Variants in ANO3 observed in about 807,000 individuals in gnomAD.
The protein encoded by ANO3 is anoctamin 3, also known as anoctamin-3.
In ANO3, 99 loss-of-function variants were observed where a neutral mutation model predicts 144.8. That is an observed-to-expected ratio of 0.68 (90% CI 0.58 to 0.81). ANO3 has a LOEUF of 0.81. Ranked by LOEUF, ANO3 falls within the 30% of genes least tolerant of loss-of-function variation. The pLI is 0.00. For missense variants in ANO3, 905 were observed against 1,202.2 expected, an observed-to-expected ratio of 0.75 and a Z score of 3.66; for synonymous variants, 414 against 392.6, an observed-to-expected ratio of 1.05 and a Z score of -0.64.
intron 1 of ANO3, among the ~76,000 whole-genome samples, chr11:26,202,303 T>TTA (rs545232755): frequency 4.2e-5 from 6 of 144,518 alleles, no homozygotes; most frequent in Admixed American, 7.1e-5. Context: ...TAGATACATA[T>TTA]TATATATATC....
intron 1 of ANO3, among the ~76,000 whole-genome samples, chr11:26,202,109 A>T (rs763782649): frequency 1.4e-4 from 21 of 151,062 alleles, no homozygotes; most frequent in Non-Finnish European, 2.4e-4. Context: ...TTAATTAGTT[A>T]GGTTTAGGGT....
At chr11:26,210,921 C>A (rs1265801946) in intron 1 of ANO3, among the ~76,000 whole-genome samples, 1 of 151,960 alleles carries the variant, frequency 6.6e-6, no homozygotes, top group Non-Finnish European at 1.5e-5. Flanking sequence ...GTCTTTAACA[C>A]CCCACTGTCA....
intron 1 of ANO3, among the ~76,000 whole-genome samples, chr11:26,223,165 G>A (rs66873040): frequency 0.3 from 45,982 of 151,676 alleles, 7,703 homozygotes; most frequent in Non-Finnish European, 0.37. Flanking sequence ...ATCATAGGTC[G>A]TTAGAAGCAG....
intron 14 of ANO3, among the ~76,000 whole-genome samples, chr11:26,593,790 C>A (rs183142142): frequency 6.6e-6 from 1 of 152,226 alleles, no homozygotes; most frequent in East Asian, 1.9e-4. Flanking sequence ...ATTTGCCCAG[C>A]CTTTCCCTGT....
chr11:26,583,515 T>C (rs924049193), intron 14 of ANO3, among the ~76,000 whole-genome samples: 3 of 152,240 alleles, frequency 2.0e-5, no homozygotes, highest in Non-Finnish European at 2.9e-5. Context: ...AATCTGCCGC[T>C]GCACACATAT....
intron 21 of ANO3, 21 bp from the exon 22 acceptor site, chr11:26,641,875 T>C (rs1193754372): frequency 6.2e-7 from 1 of 1,611,110 alleles, no homozygotes; most frequent in East Asian, 2.2e-5. Flanking sequence ...TCAAAAGTCC[T>C]TGGTCTGCTC....
chr11:26,347,270 C>G (rs931312629), intron 1 of ANO3, among the ~76,000 whole-genome samples: 1 of 152,178 alleles, frequency 6.6e-6, no homozygotes, highest in Non-Finnish European at 1.5e-5. Context: ...TTCCTAGGAC[C>G]AGTGAAGTGC....
At chr11:26,487,111 G>A (rs1225889258) in intron 4 of ANO3, among the ~76,000 whole-genome samples, 2 of 152,140 alleles carry the variant, frequency 1.3e-5, no homozygotes, top group Admixed American at 1.3e-4. Flanking sequence ...ATTTGATATG[G>A]TTTGGCTGTG....
chr11:26,543,349 C>T (rs1046758787), intron 11 of ANO3, among the ~76,000 whole-genome samples: 1 of 151,958 alleles, frequency 6.6e-6, no homozygotes, highest in Non-Finnish European at 1.5e-5. Context: ...GGGAACAAAG[C>T]TTATAGAGTC....
chr11:26,358,810 T>G (rs1590289686), intron 1 of ANO3, among the ~76,000 whole-genome samples: 1 of 152,148 alleles, frequency 6.6e-6, no homozygotes. Flanking sequence ...TGGATTGTTT[T>G]TCTTGCTATA....
At chr11:26,255,434 A>G (rs1201144374) in intron 1 of ANO3, among the ~76,000 whole-genome samples, 2 of 152,168 alleles carry the variant, frequency 1.3e-5, no homozygotes, top group Non-Finnish European at 2.9e-5. Context: ...TGTATGGAAC[A>G]TTGATGGCAG....
intron 4 of ANO3, 52 bp from the exon 5 acceptor site, chr11:26,508,052 A>C: frequency 6.6e-7 from 1 of 1,512,924 alleles, no homozygotes; most frequent in Non-Finnish European, 8.8e-7. Flanking sequence ...TGTAACTAAA[A>C]CATACATGCT....
intron 1 of ANO3, among the ~76,000 whole-genome samples, chr11:26,257,506 A>C (rs1052709005): frequency 1.5e-4 from 23 of 152,092 alleles, no homozygotes; most frequent in Non-Finnish European, 1.3e-4. Flanking sequence ...TATAGTTTCT[A>C]CTCAGTAAAA....
intron 13 of ANO3, chr11:26,559,141 A>T (rs1346145424): frequency 6.6e-6 from 1 of 152,250 alleles, no homozygotes. Context: ...ATATCTGATT[A>T]AAAAACACTT....
chr11:26,249,540 T>G (rs1852877992), intron 1 of ANO3, among the ~76,000 whole-genome samples: 1 of 152,020 alleles, frequency 6.6e-6, no homozygotes, highest in African/African-American at 2.4e-5. Context: ...CTGGCCCTGG[T>G]GGTTGTGCTA....
At chr11:26,537,270 G>A in intron 9 of ANO3, 136 bp from the exon 10 acceptor site, 1 of 688,234 alleles carries the variant, frequency 1.5e-6, no homozygotes, top group East Asian at 2.6e-5. Context: ...GTCCTCATAG[G>A]TGATGTGGCT....
chr11:26,366,822 GTTGT>G (rs772509675), intron 1 of ANO3, among the ~76,000 whole-genome samples: 1 of 138,688 alleles, frequency 7.2e-6, no homozygotes, highest in Non-Finnish European at 1.5e-5. Context: ...TTTTGATGGG[GTTGT>G]TTGTTTTTTT....
At chr11:26,304,705 A>G (rs1405709586), upstream of ANO3, among the ~76,000 whole-genome samples, 13 of 152,178 alleles carry the variant, frequency 8.5e-5, no homozygotes, top group East Asian at 2.5e-3. Context: ...TTGTAAAATT[A>G]TGTTATACAA....
intron 4 of ANO3, among the ~76,000 whole-genome samples, chr11:26,498,780 G>C (rs1350939910): frequency 6.6e-6 from 1 of 151,514 alleles, no homozygotes; most frequent in Non-Finnish European, 1.5e-5. Flanking sequence ...TTGATGATTA[G>C]CTTTCCTATG....
Sources: allele counts gnomAD v4.1 joint callset (sites outside exome capture counted in the v4.1 genomes callset), GRCh38; gene constraint gnomAD v4.1.1; transcripts MANE v1.5; gene names NCBI Gene and HGNC (gene_info 2026-07-23, HGNC 2026-07-21).